The following RCC1L variants were observed in gnomAD, a reference collection of about 807,000 sequenced individuals.
RCC1L encodes RCC1 like.
In RCC1L, 46 loss-of-function variants were observed where a neutral mutation model predicts 58.6. The ratio of observed to expected loss-of-function variants is 0.79; its 90% CI spans 0.62 to 1.00. The LOEUF (loss-of-function observed/expected upper bound fraction) is 1.00, where lower values mean the gene tolerates loss of function less well. Ranked by LOEUF, RCC1L falls within the 50% of genes least tolerant of loss-of-function variation. RCC1L has a pLI of 0.00. For synonymous variants in RCC1L, 281 were observed against 262.9 expected (o/e 1.07, Z -0.67); for missense variants, 636 against 623.6 (o/e 1.02, Z -0.21).
intron 1 of RCC1L, among the ~76,000 whole-genome samples, chr7:75,072,101 C>A (rs1411874937): frequency 3.8e-5 from 5 of 133,042 alleles, no homozygotes; most frequent in Non-Finnish European, 8.0e-5. Flanking sequence ...AAAAAAAAAA[C>A]AAACCTATAT....
At chr7:75,065,052 A>G (rs1584502394) in intron 3 of RCC1L, among the ~76,000 whole-genome samples, 1 of 152,004 alleles carries the variant, frequency 6.6e-6, no homozygotes, top group East Asian at 1.9e-4. Flanking sequence ...CTGCCTGGCC[A>G]CTGCCCCATC....
At position 75,070,727 on chromosome 7, in the gene RCC1L, A is replaced by C; in HGVS notation, c.367T>G (p.Ser123Ala). The C allele has an allele frequency of 6.2e-7, 1 of 1,614,178 alleles. No homozygotes were observed. The highest frequency in any genetic ancestry group is 1.1e-5 in the South Asian group (1 of 91,084). The change falls in exon 2 of 11, where the codon TCT (serine) becomes GCT (alanine). Residue 123 changes from serine (S) to alanine (A), a missense_variant. Coordinates refer to ENST00000610322, the MANE Select transcript of RCC1L (RefSeq NM_030798.5). ...ACTTTCGTAACATCCGCAGTCTTAG[A>C]GGACAGCAGTGTGAATCCATAGCCG... ...ACGYGFTLLS[S>A]KTADVTKVWG...
chr7:75,069,107 T>A (rs1806626398), intron 2 of RCC1L, among the ~76,000 whole-genome samples: 1 of 152,170 alleles, frequency 6.6e-6, no homozygotes. Context: ...GATCTCGTGA[T>A]CCACCCGCCT....
chr7:75,029,179 A>G (rs1240019729), intron 10 of RCC1L, among the ~76,000 whole-genome samples: 10 of 151,958 alleles, frequency 6.6e-5, no homozygotes, highest in African/African-American at 2.2e-4. Flanking sequence ...AACACAGGCC[A>G]CCTCCCACTG....
In RCC1L at chr7:75,043,104, C is replaced by G; in HGVS notation, c.1323G>C (p.Thr441=). The change falls in exon 11 of 11, where the codon ACG becomes ACC. Residue 441 remains threonine (T), a synonymous_variant. Transcript: ENST00000610322. ...LEDQYFPWRV[T]MPGEPVDVAC... ...CCACGTCCACAGGCTCCCCAGGCAT[C>G]GTCACCTGAAAAATAAGATCCAGCA... The G allele has an allele frequency of 6.2e-7, 1 of 1,614,016 alleles. No homozygotes were observed. Among genetic ancestry groups the G allele is most frequent in the Non-Finnish European group, 8.5e-7 (1 of 1,179,876 alleles).
chr7:75,047,436 T>C (rs959176196), intron 10 of RCC1L, among the ~76,000 whole-genome samples: 5 of 152,108 alleles, frequency 3.3e-5, no homozygotes, highest in Non-Finnish European at 7.4e-5. Context: ...CTGGGTCATT[T>C]GTTTTTTGTA....
At chr7:75,054,748 C>T (rs1022353040) in intron 9 of RCC1L, among the ~76,000 whole-genome samples, 1 of 152,152 alleles carries the variant, frequency 6.6e-6, no homozygotes, top group Non-Finnish European at 1.5e-5. Context: ...CGCCATTGCA[C>T]TCCAGCCTGG....
At chr7:75,059,187 C>CAAAAAAAAAAA in intron 6 of RCC1L, among the ~76,000 whole-genome samples, 1 of 77,956 alleles carries the variant, frequency 1.3e-5, no homozygotes, top group Non-Finnish European at 2.6e-5. Flanking sequence ...ATGAGACTCT[C>CAAAAAAAAAAA]AAAAAAAAAA....
intron 10 of RCC1L, among the ~76,000 whole-genome samples, chr7:75,033,821 G>A (rs1805372750): frequency 6.6e-6 from 1 of 152,030 alleles, no homozygotes; most frequent in Admixed American, 6.6e-5. Flanking sequence ...TGACACCACT[G>A]CACTCCAGCC....
intron 10 of RCC1L, among the ~76,000 whole-genome samples, chr7:75,033,128 G>A (rs1805352390): frequency 6.7e-6 from 1 of 149,390 alleles, no homozygotes; most frequent in East Asian, 2.0e-4. Flanking sequence ...ATCCATGGGC[G>A]ATCCTGACTG....
chr7:75,058,610 G>A lies in RCC1L; in HGVS notation c.947C>T (p.Ala316Val). Reference protein sequence around the residue: ...GWGNSEYLQLASVTDSTQVNV... With the variant: ...GWGNSEYLQLVSVTDSTQVNV... ...TACCTGTGTGGAGTCAGTGACAGAGGCCAGCTGCAGGTACTCCGAGTTTCC... is the reference window on the plus strand; with the variant it reads ...TACCTGTGTGGAGTCAGTGACAGAGACCAGCTGCAGGTACTCCGAGTTTCC... The change falls in exon 7 of 11, where the codon GCC (alanine) becomes GTC (valine). Residue 316 changes from alanine to valine, a missense_variant. Ala to Val is a moderately conservative substitution (Grantham distance 64). Transcript: ENST00000610322. 1.2e-6 allele frequency: 2 copies of A among 1,609,010 alleles called. No homozygotes were observed. Among genetic ancestry groups the A allele is most frequent in the Non-Finnish European group, 1.7e-6 (2 of 1,177,324 alleles).
intron 9 of RCC1L, chr7:75,055,628 C>A: frequency 2.1e-6 from 1 of 476,012 alleles, no homozygotes; most frequent in South Asian, 2.1e-5. Context: ...CCCCTTCCTA[C>A]CACCGACGGG....
chr7:75,056,079 A>G lies in RCC1L; in HGVS notation c.1058-5T>C, dbSNP rs781921614. ...AGACAAAAACATGTCCTTCTCCTACATTACAGTAAAAACAAGGGTCAGTAA... is the reference window on the plus strand; with the variant it reads ...AGACAAAAACATGTCCTTCTCCTACGTTACAGTAAAAACAAGGGTCAGTAA... On this transcript the variant is annotated splice_polypyrimidine_tract_variant and splice_region_variant and intron_variant, in intron 8 of 10. Coordinates refer to ENST00000610322, the MANE Select transcript of RCC1L (RefSeq NM_030798.5). The G allele has an allele frequency of 8.7e-6, 14 of 1,613,962 alleles. No individual in the cohort carries two copies. The highest frequency in any genetic ancestry group is 1.1e-5 in the South Asian group (1 of 91,080).
chr7:75,036,000 C>T (rs1242802773), intron 10 of RCC1L, among the ~76,000 whole-genome samples: 1 of 151,920 alleles, frequency 6.6e-6, no homozygotes, highest in African/African-American at 2.4e-5. Flanking sequence ...GCAAGACCGT[C>T]TCAAAAACTA....
downstream of RCC1L, among the ~76,000 whole-genome samples, chr7:75,037,973 C>T (rs917405134): frequency 2.0e-5 from 3 of 152,208 alleles, no homozygotes; most frequent in South Asian, 2.1e-4. Flanking sequence ...TTAATGAATT[C>T]GGAACCCTTG....
At chr7:75,058,468 C>T in intron 7 of RCC1L, 120 bp downstream of exon 7, 2 of 1,313,032 alleles carry the variant, frequency 1.5e-6, no homozygotes, top group Middle Eastern at 2.3e-4. Flanking sequence ...TGACCTCAAG[C>T]CATCTGCCTG....
intron 1 of RCC1L, among the ~76,000 whole-genome samples, chr7:75,071,198 C>G (rs1425897016): frequency 6.6e-6 from 1 of 152,128 alleles, no homozygotes; most frequent in Non-Finnish European, 1.5e-5. Flanking sequence ...ATTTATTGAG[C>G]ATTTACTATA....
chr7:75,055,387 C>CT (rs1394822727), intron 9 of RCC1L, among the ~76,000 whole-genome samples: 1 of 152,178 alleles, frequency 6.6e-6, no homozygotes, highest in East Asian at 1.9e-4. Context: ...TTGCTCTCCC[C>CT]TTTCATCATT....
chr7:75,070,916 C>T, intron 1 of RCC1L, 147 bp from the exon 2 acceptor site: 1 of 1,045,888 alleles, frequency 9.6e-7, no homozygotes, highest in Non-Finnish European at 1.3e-6. Context: ...CTCTGTTGCC[C>T]AGGCTGGAGT....
Sources: gnomAD v4.1 joint callset for allele counts (sites outside exome capture counted in the v4.1 genomes callset) on GRCh38, gnomAD v4.1.1 for gene constraint, MANE v1.5 for transcripts, NCBI Gene and HGNC (gene_info 2026-07-23, HGNC 2026-07-21) for gene names.